RUFY4: variants seen among roughly 807,000 people sequenced by gnomAD.
RUFY4 encodes the protein RUN and FYVE domain containing 4.
A neutral mutation model predicts 69.0 loss-of-function variants in RUFY4; 73 were observed. The observed-to-expected ratio is 1.06, with a 90% CI of 0.88 to 1.29. The LOEUF (loss-of-function observed/expected upper bound fraction) is 1.29. Ranked by LOEUF, RUFY4 falls within the 50% of genes most tolerant of loss-of-function variation. RUFY4 has a pLI of 0.00. For synonymous variants in RUFY4, 287 were observed against 271.8 expected, an observed-to-expected ratio of 1.06 and a Z score of -0.55; for missense variants, 770 against 705.6, an observed-to-expected ratio of 1.09 and a Z score of -1.03.
intron 9 of RUFY4, among the ~76,000 whole-genome samples, chr2:218,085,554 T>C (rs1215081122): frequency 1.3e-5 from 2 of 152,138 alleles, no homozygotes. Flanking sequence ...TGGAAAATGG[T>C]TGGAGAAGTG....
intron 8 of RUFY4, among the ~76,000 whole-genome samples, chr2:218,076,853 C>T (rs1689646387): frequency 6.6e-6 from 1 of 152,198 alleles, no homozygotes; most frequent in Non-Finnish European, 1.5e-5. Flanking sequence ...CTCTCTTTTT[C>T]ACCCTCTCTG....
chr2:218,056,416 T>C (rs1689067094), intron 2 of RUFY4, among the ~76,000 whole-genome samples: 2 of 152,126 alleles, frequency 1.3e-5, no homozygotes, highest in African/African-American at 4.8e-5. Flanking sequence ...AGAGAGCTTT[T>C]TTCCCCCACT....
chr2:218,066,741 G>A (rs1020044836), upstream of RUFY4, among the ~76,000 whole-genome samples: 1 of 152,200 alleles, frequency 6.6e-6, no homozygotes, highest in Non-Finnish European at 1.5e-5. Context: ...AGGACTGTGA[G>A]CCTTATGAAA....
At chr2:218,035,268 G>A (rs1355908839) in intron 1 of RUFY4, 2 of 152,168 alleles carry the variant, frequency 1.3e-5, no homozygotes, top group Non-Finnish European at 2.9e-5. Context: ...GCCTGGCAGA[G>A]ACGAGGGAGA....
At chr2:218,046,135 A>G (rs1254438726) in intron 2 of RUFY4, among the ~76,000 whole-genome samples, 1 of 151,986 alleles carries the variant, frequency 6.6e-6, no homozygotes. Context: ...TATAATGTAT[A>G]GTGATCAGAT....
chr2:218,075,776 C>T (rs2106057205), intron 7 of RUFY4, 36 bp downstream of exon 9: 3 of 1,371,780 alleles, frequency 2.2e-6, no homozygotes, highest in Non-Finnish European at 2.8e-6. Flanking sequence ...GGTTATTTGC[C>T]CCTGTCTGAC....
intron 8 of RUFY4, among the ~76,000 whole-genome samples, chr2:218,076,856 C>T (rs1176047194): frequency 6.6e-6 from 1 of 152,196 alleles, no homozygotes; most frequent in Non-Finnish European, 1.5e-5. Flanking sequence ...TCTTTTTCAC[C>T]CTCTCTGCCT....
chr2:218,057,200 T>A (rs915225914), intron 2 of RUFY4, among the ~76,000 whole-genome samples: 1 of 152,224 alleles, frequency 6.6e-6, no homozygotes, highest in Non-Finnish European at 1.5e-5. Context: ...AAAACAATAC[T>A]TAACATTTCT....
upstream of RUFY4, chr2:218,070,478 A>G: frequency 2.5e-6 from 2 of 804,274 alleles, no homozygotes; most frequent in Non-Finnish European, 4.1e-6. Context: ...GTCACCCAAG[A>G]TTAGTCACTT....
At chr2:218,070,995 C>T (rs1010143105) in intron 2 of RUFY4, 136 bp downstream of exon 4, 1 of 667,482 alleles carries the variant, frequency 1.5e-6, no homozygotes, top group African/African-American at 1.8e-5. Flanking sequence ...CCTCCTGACA[C>T]CTAACCTCAC....
chr2:218,070,883 C>T (rs1438903406), intron 2 of RUFY4, 24 bp downstream of exon 4: 2 of 1,503,096 alleles, frequency 1.3e-6, no homozygotes, highest in Non-Finnish European at 1.8e-6. Context: ...CTCCCCTTCC[C>T]CATCCCTCTC....
rs370341653 is a variant in RUFY4 at position 218,061,342 on chromosome 2, A to G, written c.-1071+2661A>G. 3.2e-3 allele frequency: 790 copies of G among 245,816 alleles called. 27 individuals carry two copies. In the South Asian group the frequency reaches 0.04, roughly 12 times the overall value. The allele number at this position is 245,816 out of a possible 1,614,324, so 15.2% of individuals were successfully genotyped here. ...AGAAAAGGGGTAGGGTCATAGCTGAAACTGTAATTACTAAAATCTCCACTG... is the reference window on the plus strand; with the variant it reads ...AGAAAAGGGGTAGGGTCATAGCTGAGACTGTAATTACTAAAATCTCCACTG... On this transcript the variant is annotated intron_variant and NMD_transcript_variant, in intron 3 of 13. Transcript: ENST00000457754.
chr2:218,070,370 C>A, upstream of RUFY4: 1 of 593,674 alleles, frequency 1.7e-6, no homozygotes, highest in Non-Finnish European at 3.0e-6. Context: ...AGTGTCGTCA[C>A]CCAGGGACTG....
upstream of RUFY4, among the ~76,000 whole-genome samples, chr2:218,068,100 T>C (rs1689387106): frequency 6.7e-6 from 1 of 149,554 alleles, no homozygotes; most frequent in African/African-American, 2.5e-5. Context: ...GGCAGGGGGC[T>C]GGAGGACAGC....
chr2:218,050,249 A>G (rs1255956627), intron 2 of RUFY4, among the ~76,000 whole-genome samples: 1 of 152,186 alleles, frequency 6.6e-6, no homozygotes, highest in African/African-American at 2.4e-5. Flanking sequence ...CTGTCACTCA[A>G]TAAAATTCTT....
chr2:218,063,955 G>A (rs1213271702), intron 3 of RUFY4, among the ~76,000 whole-genome samples: 1 of 152,078 alleles, frequency 6.6e-6, no homozygotes, highest in African/African-American at 2.4e-5. Flanking sequence ...TCCTATCTGG[G>A]TAAAAACAGG....
chr2:218,075,318 G>A lies in RUFY4; in HGVS notation c.826G>A (p.Asp276Asn), dbSNP rs781683102. 3 of 1,609,106 alleles carry A rather than the reference G, an allele frequency of 1.9e-6. No individual in the cohort carries two copies. The highest frequency in any genetic ancestry group is 4.5e-5 in the East Asian group (2 of 44,744). The change falls in exon 7 of 11, where the codon GAC becomes AAC. Residue 276 changes from aspartate (D) to asparagine (N), a missense_variant. Coordinates refer to ENST00000344321, the Ensembl canonical transcript of RUFY4. ...GCCAGAAGGGAAGGAGCTTCAGCTAGACCAGGAGGAAAGAGCCCCATGGAT... is the reference window on the plus strand; with the variant it reads ...GCCAGAAGGGAAGGAGCTTCAGCTAAACCAGGAGGAAAGAGCCCCATGGAT...
At chr2:218,040,371 A>C (rs937914894) in intron 2 of RUFY4, among the ~76,000 whole-genome samples, 1 of 152,176 alleles carries the variant, frequency 6.6e-6, no homozygotes, top group Non-Finnish European at 1.5e-5. Flanking sequence ...CTAACTGTTA[A>C]GTCACTCTGA....
chr2:218,055,328 G>C (rs1441871185), intron 2 of RUFY4, among the ~76,000 whole-genome samples: 1 of 151,980 alleles, frequency 6.6e-6, no homozygotes, highest in African/African-American at 2.4e-5. Context: ...CCAGGAAGTG[G>C]AGGTTGCAGT....
Sources: allele counts gnomAD v4.1 joint callset (sites outside exome capture counted in the v4.1 genomes callset), GRCh38; gene constraint gnomAD v4.1.1; transcripts MANE v1.5; gene names NCBI Gene and HGNC (gene_info 2026-07-23, HGNC 2026-07-21).